The following MSI2 variants were observed in gnomAD, a reference collection of about 807,000 sequenced individuals.
The protein encoded by MSI2 is RNA-binding protein Musashi homolog 2.
A neutral mutation model predicts 45.6 loss-of-function variants in MSI2; 17 were observed. The observed-to-expected ratio is 0.37, with a 90% CI of 0.26 to 0.56. The LOEUF (loss-of-function observed/expected upper bound fraction) is 0.56. MSI2 is among the 20% of genes least tolerant of loss of function. The pLI is 0.77. For missense variants in MSI2, 293 were observed against 444.2 expected (o/e 0.66, Z 3.06); for synonymous variants, 156 against 158.2 (o/e 0.99, Z 0.11).
At chr17:57,330,476 GC>G (rs946868028) in intron 5 of MSI2, among the ~76,000 whole-genome samples, 3 of 151,670 alleles carry the variant, frequency 2.0e-5, no homozygotes, top group African/African-American at 7.3e-5. Context: ...ATGGGGTTTC[GC>G]CATGTTGTCC....
At chr17:57,584,604 T>C (rs1225351982) in intron 7 of MSI2, among the ~76,000 whole-genome samples, 1 of 152,164 alleles carries the variant, frequency 6.6e-6, no homozygotes, top group Non-Finnish European at 1.5e-5. Flanking sequence ...CTCCAAGTAG[T>C]GGTTTCTTGA....
chr17:57,699,176 A>T, the MSI2 span, among the ~76,000 whole-genome samples: 37 of 24,238 alleles, frequency 1.5e-3, 13 homozygotes, highest in South Asian at 3.5e-3. Context: ...AGAGAGAGAG[A>T]GAGAGAGTGT....
chr17:57,667,474 A>G (rs993665909), intron 11 of MSI2, among the ~76,000 whole-genome samples: 1 of 152,172 alleles, frequency 6.6e-6, no homozygotes, highest in Non-Finnish European at 1.5e-5. Flanking sequence ...GAAGCCTGGC[A>G]GATAGTTCAC....
In MSI2 at chr17:57,313,588, A is replaced by G. The variant is rs1598106612; in HGVS notation, c.312+51396A>G. Among the ~76,000 whole-genome samples the G allele has an allele frequency of 3.3e-5, 5 of 152,330 alleles. No homozygotes were observed. In the East Asian group the frequency reaches 9.7e-4, roughly 29 times the overall value. On this transcript the variant is annotated intron_variant, in intron 5 of 13. Transcript: ENST00000284073. ...GAAAAACAAAACCCAGCTCAAAACAATGATTATTCTTGGCTGCCTAGTGGG... is the reference window on the plus strand; with the variant it reads ...GAAAAACAAAACCCAGCTCAAAACAGTGATTATTCTTGGCTGCCTAGTGGG...
chr17:57,417,832 G>A (rs577941257), intron 6 of MSI2, among the ~76,000 whole-genome samples: 2 of 152,246 alleles, frequency 1.3e-5, no homozygotes, highest in East Asian at 3.9e-4. Context: ...CTTAACCACT[G>A]GTTGAAAGTC....
intron 7 of MSI2, among the ~76,000 whole-genome samples, chr17:57,591,356 AAACAAGCCAGGCAC>A (rs1192712742): frequency 1.1e-4 from 16 of 152,244 alleles, no homozygotes; most frequent in Non-Finnish European, 1.8e-4. Flanking sequence ...ATGTCAAATA[AAACAAGCCAGGCAC>A]AACAGTACAG....
chr17:57,597,327 A>T (rs1328054200), intron 8 of MSI2, among the ~76,000 whole-genome samples: 3 of 152,046 alleles, frequency 2.0e-5, no homozygotes, highest in Non-Finnish European at 4.4e-5. Flanking sequence ...TAATTTTTTA[A>T]CCACTTAAAA....
chr17:57,257,030 T>C, intron 1 of MSI2, 68 bp from the exon 2 acceptor site: 1 of 1,601,266 alleles, frequency 6.2e-7, no homozygotes, highest in Admixed American at 1.7e-5. Context: ...TTTTAGCTTT[T>C]GTAAGTTACA....
At position 57,627,017 on chromosome 17, in the gene MSI2, A is replaced by G. The variant is rs1266444622; in HGVS notation, c.653-212A>G. The G allele has an allele frequency of 1.7e-6, 1 of 603,066 alleles. No homozygotes were observed. The highest frequency in any genetic ancestry group is 3.0e-6 in the Non-Finnish European group (1 of 338,050). 37.4% of individuals were successfully genotyped at this position (603,066 alleles called of 1,614,324 possible). On this transcript the variant is annotated intron_variant, in intron 9 of 13. Transcript: ENST00000284073. The surrounding 1 kb of genome is among the most constrained non-coding windows in gnomAD (Gnocchi z 4.6). ...GGGCTTTGCGGGGTCTGGCTGCCCA[A>G]ATATGGGTTAATTAGCAACAGCTGA...
intron 5 of MSI2, among the ~76,000 whole-genome samples, chr17:57,300,015 C>T (rs1442463022): frequency 1.3e-5 from 2 of 152,132 alleles, no homozygotes; most frequent in Non-Finnish European, 2.9e-5. Context: ...TTGTCGCTTC[C>T]TTCACTCTGT....
At chr17:57,374,816 C>G (rs1255619203) in intron 5 of MSI2, among the ~76,000 whole-genome samples, 1 of 152,160 alleles carries the variant, frequency 6.6e-6, no homozygotes, top group Non-Finnish European at 1.5e-5. Flanking sequence ...TATCTTTGAT[C>G]TAGCAAGGAG....
intron 5 of MSI2, among the ~76,000 whole-genome samples, chr17:57,377,427 G>C (rs972623677): frequency 6.6e-6 from 1 of 152,164 alleles, no homozygotes; most frequent in Non-Finnish European, 1.5e-5. Flanking sequence ...ATTCTGTGTC[G>C]GGGAAAGGAC....
intron 7 of MSI2, among the ~76,000 whole-genome samples, chr17:57,545,147 C>T (rs577797628): frequency 4.6e-5 from 7 of 151,760 alleles, no homozygotes; most frequent in Admixed American, 3.9e-4. Flanking sequence ...CAGATTTTCC[C>T]CCCTCTGAAT....
chr17:57,671,594 G>A (rs1912775396), intron 11 of MSI2: 1 of 152,156 alleles, frequency 6.6e-6, no homozygotes, highest in African/African-American at 2.4e-5. Flanking sequence ...TTGGCTTCAT[G>A]CCTTCCCCCA....
chr17:57,618,172 T>G (rs1907917826), intron 9 of MSI2: 1 of 152,018 alleles, frequency 6.6e-6, no homozygotes. Flanking sequence ...GAGGAAAGCT[T>G]GAGCCCAGGA....
chr17:57,309,193 A>G (rs942662712), intron 5 of MSI2, among the ~76,000 whole-genome samples: 1 of 152,234 alleles, frequency 6.6e-6, no homozygotes, highest in Admixed American at 6.5e-5. Context: ...GAACATAAGT[A>G]GTTCTATAGA....
intron 7 of MSI2, among the ~76,000 whole-genome samples, chr17:57,580,230 A>T (rs1176164359): frequency 6.6e-6 from 1 of 152,124 alleles, no homozygotes; most frequent in Non-Finnish European, 1.5e-5. Context: ...ATATCCTAAC[A>T]GTTTGCCTTG....
At chr17:57,560,026 G>A (rs1426612240) in intron 7 of MSI2, among the ~76,000 whole-genome samples, 2 of 152,260 alleles carry the variant, frequency 1.3e-5, no homozygotes, top group Non-Finnish European at 2.9e-5. Flanking sequence ...CTGGATTTGT[G>A]CTCCGAACAT....
rs1223434262 is a variant in MSI2 at position 57,529,547 on chromosome 17, A to C, written c.406-129A>C. ...TTCTTTCTACTTTTTTGCATTTTCA[A>C]ATATTTTTTGATAAGCAACTATTAC... On this transcript the variant is annotated intron_variant, in intron 6 of 13. Coordinates refer to ENST00000284073, the MANE Select transcript of MSI2 (RefSeq NM_138962.4). This position sits in a 1 kb window ranked among gnomAD's most constrained non-coding sequence, Gnocchi z 5.3. 7.4e-6 allele frequency: 6 copies of C among 808,562 alleles called. No homozygotes were observed. Among genetic ancestry groups the C allele is most frequent in the Non-Finnish European group, 1.2e-5 (6 of 497,064 alleles). 50.1% of individuals were successfully genotyped at this position (808,562 alleles called of 1,614,324 possible).
Sources: allele counts gnomAD v4.1 joint callset (sites outside exome capture counted in the v4.1 genomes callset), GRCh38; gene constraint gnomAD v4.1.1; non-coding constraint Gnocchi (gnomAD v3.1); transcripts MANE v1.5; gene names NCBI Gene and HGNC (gene_info 2026-07-23, HGNC 2026-07-21).